DEUP1: variants seen among roughly 807,000 people sequenced by gnomAD.
DEUP1 encodes the protein coiled-coil domain containing 67.
In DEUP1, 82 loss-of-function variants were observed where a neutral mutation model predicts 87.4. The observed-to-expected ratio is 0.94, with a 90% CI of 0.78 to 1.13. The LOEUF is 1.13. Among genes scored for constraint, DEUP1 ranks in the 50% most tolerant of loss-of-function variants. The pLI is 0.00. For synonymous variants in DEUP1, 214 were observed against 222.7 expected (o/e 0.96, Z 0.35); for missense variants, 663 against 681.5 (o/e 0.97, Z 0.30).
chr11:93,427,977 G>C (rs993511764), intron 13 of DEUP1, among the ~76,000 whole-genome samples: 83 of 151,032 alleles, frequency 5.5e-4, no homozygotes, highest in African/African-American at 1.9e-3. Context: ...GGAAACAACA[G>C]GTGCTGGAGA....
intron 11 of DEUP1, among the ~76,000 whole-genome samples, chr11:93,397,742 A>G (rs1946983721): frequency 6.6e-6 from 1 of 152,182 alleles, no homozygotes; most frequent in Non-Finnish European, 1.5e-5. Flanking sequence ...TTTTGCTTGC[A>G]TATGCACACA....
intron 11 of DEUP1, among the ~76,000 whole-genome samples, chr11:93,407,969 G>T (rs945098765): frequency 6.6e-6 from 1 of 151,980 alleles, no homozygotes; most frequent in African/African-American, 2.4e-5. Flanking sequence ...GAGCAATATT[G>T]TATGTATTGC....
rs1002342400 is a variant in DEUP1, at chr11:93,371,349, A to C, written c.789+69A>C. ...ATAAATGGTAACACATATAGAGATT[A>C]GAATGATTAGAATGGTAGTTTTCTA... On this transcript the variant is annotated intron_variant, in intron 7 of 13. Coordinates refer to ENST00000298050, the MANE Select transcript of DEUP1 (RefSeq NM_181645.4). The C allele has an allele frequency of 2.2e-5, 31 of 1,401,764 alleles. No homozygotes were observed. In the Admixed American group the frequency reaches 7.7e-4, roughly 35 times the overall value. 86.8% of individuals were successfully genotyped at this position (1,401,764 alleles called of 1,614,324 possible). A position where few individuals can be genotyped will look rare whatever the true frequency, so the allele number is the denominator to read the frequency against.
At chr11:93,414,064 C>T (rs1319983835) in intron 12 of DEUP1, among the ~76,000 whole-genome samples, 2 of 152,108 alleles carry the variant, frequency 1.3e-5, no homozygotes, top group African/African-American at 4.8e-5. Flanking sequence ...ATTCAACTCT[C>T]ATAACAACCC....
chr11:93,383,652 T>A (rs1946405233), intron 7 of DEUP1: 1 of 645,480 alleles, frequency 1.5e-6, no homozygotes, highest in Non-Finnish European at 2.8e-6. Context: ...AATAATTCAA[T>A]AATATTGATT....
chr11:93,406,825 A>G (rs1030967573), intron 11 of DEUP1, among the ~76,000 whole-genome samples: 2 of 151,990 alleles, frequency 1.3e-5, no homozygotes, highest in Non-Finnish European at 2.9e-5. Flanking sequence ...TAACACAGAC[A>G]CCCTAATGAA....
At chr11:93,373,605 T>TTA (rs200748611) in intron 7 of DEUP1, among the ~76,000 whole-genome samples, 33,638 of 128,452 alleles carry the variant, frequency 0.26, 4,333 homozygotes, top group South Asian at 0.41. Context: ...GTATATATAT[T>TTA]TATATATGTA....
chr11:93,339,896 C>A (rs1364207560), intron 2 of DEUP1, among the ~76,000 whole-genome samples: 1 of 152,156 alleles, frequency 6.6e-6, no homozygotes, highest in Non-Finnish European at 1.5e-5. Context: ...CCTGAACTTC[C>A]ACCACTGTCT....
chr11:93,394,215 A>G (rs2134362833), intron 9 of DEUP1, among the ~76,000 whole-genome samples: 1 of 152,300 alleles, frequency 6.6e-6, no homozygotes, highest in South Asian at 2.1e-4. Context: ...AGTATCAGTC[A>G]TAGGTGATGA....
At chr11:93,367,081 C>T (rs936551271) in intron 5 of DEUP1, among the ~76,000 whole-genome samples, 7 of 152,084 alleles carry the variant, frequency 4.6e-5, no homozygotes, top group South Asian at 2.1e-4. Context: ...AATGGACTAT[C>T]TCCATTTATC....
chr11:93,400,893 A>T (rs11020311), intron 11 of DEUP1, among the ~76,000 whole-genome samples: 38,306 of 152,038 alleles, frequency 0.25, 5,182 homozygotes, highest in South Asian at 0.37. Context: ...GAATAAAATA[A>T]GGATGCCCAT....
chr11:93,371,172 T>C lies in DEUP1; in HGVS notation c.681T>C (p.Ile227=), dbSNP rs1229779291. 1 of 1,613,230 alleles carries C rather than the reference T, an allele frequency of 6.2e-7. No homozygotes were observed. The highest frequency in any genetic ancestry group is 8.5e-7 in the Non-Finnish European group (1 of 1,179,534). Reference sequence around the variant, plus strand: ...TCAATGAAAGAGATGAGTTCATTATTGAAAAACTGAAATCAGCTGTAAATG... The same window carrying C: ...TCAATGAAAGAGATGAGTTCATTATCGAAAAACTGAAATCAGCTGTAAATG... The part of the protein sequence containing the change: ...CEINERDEFI[I]EKLKSAVNEI... The change falls in exon 7 of 14, where the codon ATT becomes ATC. Residue 227 remains isoleucine, a synonymous_variant. Coordinates refer to ENST00000298050, the MANE Select transcript of DEUP1 (RefSeq NM_181645.4).
At chr11:93,362,763 AT>A (rs1945234137) in intron 4 of DEUP1, among the ~76,000 whole-genome samples, 1 of 151,930 alleles carries the variant, frequency 6.6e-6, no homozygotes, top group African/African-American at 2.4e-5. Context: ...TCACAGTAGC[AT>A]TATTTATAAT....
intron 2 of DEUP1, among the ~76,000 whole-genome samples, chr11:93,332,914 G>A (rs963861069): frequency 6.6e-6 from 1 of 152,158 alleles, no homozygotes; most frequent in African/African-American, 2.4e-5. Context: ...CAGAGTTTGG[G>A]GAATGAAGGG....
At chr11:93,364,374 A>C in intron 5 of DEUP1, 80 bp downstream of exon 5, 1 of 1,260,316 alleles carries the variant, frequency 7.9e-7, no homozygotes, top group Non-Finnish European at 1.1e-6. Flanking sequence ...TCTAGTGTCC[A>C]CAATGGTGTC....
chr11:93,376,880 T>C (rs1946066594), intron 7 of DEUP1, among the ~76,000 whole-genome samples: 1 of 152,244 alleles, frequency 6.6e-6, no homozygotes, highest in South Asian at 2.1e-4. Flanking sequence ...GTTGACCCAA[T>C]GATCATTTGG....
chr11:93,391,140 A>T (rs1946753838), intron 9 of DEUP1, among the ~76,000 whole-genome samples: 1 of 151,218 alleles, frequency 6.6e-6, no homozygotes, highest in Admixed American at 6.6e-5. Flanking sequence ...TTCTTTTGTA[A>T]TAAAACTAAC....
intron 2 of DEUP1, among the ~76,000 whole-genome samples, chr11:93,339,751 G>C (rs1943962902): frequency 6.6e-6 from 1 of 152,196 alleles, no homozygotes; most frequent in African/African-American, 2.4e-5. Context: ...ACGTAGGAAA[G>C]AGTAATGAGG....
chr11:93,393,024 C>CCCCCT (rs1946816783), intron 9 of DEUP1, among the ~76,000 whole-genome samples: 1 of 133,484 alleles, frequency 7.5e-6, no homozygotes. Context: ...CTCCTCTGAG[C>CCCCCT]CCTCCTCCTC....
Sources: gnomAD v4.1 joint callset for allele counts (sites outside exome capture counted in the v4.1 genomes callset) on GRCh38, gnomAD v4.1.1 for gene constraint, MANE v1.5 for transcripts, NCBI Gene and HGNC (gene_info 2026-07-23, HGNC 2026-07-21) for gene names.